Variants in CCDC61 observed in about 807,000 individuals in gnomAD.
CCDC61 encodes centrosomal protein CCDC61.
A neutral mutation model predicts 63.0 loss-of-function variants in CCDC61; 55 were observed. The ratio of observed to expected loss-of-function variants is 0.87; its 90% CI spans 0.70 to 1.09. The LOEUF (loss-of-function observed/expected upper bound fraction) is 1.09, where lower values mean the gene tolerates loss of function less well. CCDC61 is among the 50% of genes least tolerant of loss of function. The pLI, the probability that CCDC61 is intolerant of heterozygous loss-of-function variation, is 0.00. For synonymous variants in CCDC61, 270 were observed against 317.0 expected, an observed-to-expected ratio of 0.85 and a Z score of 1.58; for missense variants, 651 against 731.4, an observed-to-expected ratio of 0.89 and a Z score of 1.27.
At chr19:46,004,069 G>T (rs576768226) in intron 3 of CCDC61, among the ~76,000 whole-genome samples, 55 of 152,006 alleles carry the variant, frequency 3.6e-4, no homozygotes, top group African/African-American at 1.2e-3. Context: ...CTCCTGAGTA[G>T]CTGGGATTAC....
chr19:46,005,000 G>A (rs1968675703), intron 3 of CCDC61, among the ~76,000 whole-genome samples: 1 of 151,542 alleles, frequency 6.6e-6, no homozygotes, highest in East Asian at 1.9e-4. Flanking sequence ...ACCATGCCCA[G>A]CTAATTTTTG....
chr19:46,003,088 GT>G lies in CCDC61; in HGVS notation c.73del (p.Ser25LeufsTer13), dbSNP rs1189822382. 4 of 1,611,614 alleles carry G rather than the reference GT, an allele frequency of 2.5e-6. No individual in the cohort carries two copies. The highest frequency in any genetic ancestry group is 1.3e-5 in the African/African-American group (1 of 74,912). ...TGTGGAGCATGCCGTGCGGGTGATG[GT>G]TTCTGGGCAGGTGCTGGAGCTGGAG... The part of the protein sequence containing the change: ...RGVEHAVRVM[V>X]SGQVLELEVE... On this transcript the variant is annotated frameshift_variant, in exon 2 of 14. Transcript: ENST00000595358. LOFTEE classifies it high-confidence loss of function.
At chr19:46,003,527 GT>G (rs750506821) in intron 3 of CCDC61, 26 bp downstream of exon 3, 2 of 1,433,546 alleles carry the variant, frequency 1.4e-6, no homozygotes, top group Non-Finnish European at 2.0e-6. Context: ...GCGGGTTGGG[GT>G]GGGAGGGGGG....
In CCDC61 at chr19:46,017,282, C is replaced by G; in HGVS notation, c.1346C>G (p.Thr449Arg). 1 of 1,565,896 alleles carries G rather than the reference C, an allele frequency of 6.4e-7. No homozygotes were observed. The highest frequency in any genetic ancestry group is 8.7e-7 in the Non-Finnish European group (1 of 1,154,750). The part of the protein sequence containing the change: ...HRRRGKPPSP[T>R]PWSGSNMKSP... ...CGCCGTGGGAAGCCTCCCAGCCCAA[C>G]GCCCTGGAGTGGGTCCAATATGGTG... The change falls in exon 12 of 14, where the codon ACG (threonine) becomes AGG (arginine). Residue 449 changes from threonine to arginine, a missense_variant. Transcript: ENST00000595358.
chr19:46,009,077 G>C (rs76714665), intron 5 of CCDC61, among the ~76,000 whole-genome samples: 2,892 of 152,262 alleles, frequency 0.019, 95 homozygotes, highest in African/African-American at 0.064. Flanking sequence ...AGTAGGGCAG[G>C]AAAGGGAGCC....
Position 46,016,517 on chromosome 19 carries a change from C to T in CCDC61, c.1091+124C>T. 1 of 1,384,302 alleles carries T rather than the reference C, an allele frequency of 7.2e-7. No homozygotes were observed. The highest frequency in any genetic ancestry group is 1.3e-5 in the South Asian group (1 of 78,030). The allele number at this position is 1,384,302 out of a possible 1,614,324, so 85.8% of individuals were successfully genotyped here. A position where few individuals can be genotyped will look rare whatever the true frequency, so the allele number is the denominator to read the frequency against. On this transcript the variant is annotated intron_variant, in intron 9 of 13. Transcript: ENST00000595358. The surrounding 1 kb of genome is among the most constrained non-coding windows in gnomAD (Gnocchi z 7.2). ...ACCTGCTCGCTTCTCGCCGGATACC[C>T]CGCCTGCTCTCCCTTCCGTCCGTCC...
intron 5 of CCDC61, 95 bp from the exon 6 acceptor site, chr19:46,014,954 C>T: frequency 9.1e-7 from 1 of 1,102,936 alleles, no homozygotes; most frequent in Non-Finnish European, 1.3e-6. Context: ...GTACCCCCTT[C>T]CGGGGAGGTG....
rs1968918901 is a variant in CCDC61 at position 46,015,754 on chromosome 19, TGGGGTGGGTGGTG to T, written c.846-298_846-286del. 1.3e-5 allele frequency among the ~76,000 whole-genome samples: 2 copies of T among 151,750 alleles called. No homozygotes were observed. The highest frequency in any genetic ancestry group is 2.9e-5 in the Non-Finnish European group (2 of 67,896). Reference sequence around the variant, plus strand: ...TCAGGGTGAGGTCCGCTGGCATTTATGGGGTGGGTGGTGGAAAATTGGAAAGAGTTTCCGGGGA... The same window carrying T: ...TCAGGGTGAGGTCCGCTGGCATTTATGAAAATTGGAAAGAGTTTCCGGGGA... On this transcript the variant is annotated intron_variant, in intron 7 of 13. Coordinates refer to ENST00000595358, the MANE Select transcript of CCDC61 (RefSeq NM_001267723.2). This position sits in a 1 kb window ranked among gnomAD's most constrained non-coding sequence, Gnocchi z 5.3.
At chr19:46,000,049 A>G (rs1449667059) in intron 1 of CCDC61, 2 of 984,894 alleles carry the variant, frequency 2.0e-6, no homozygotes, top group African/African-American at 3.5e-5. Context: ...GCAAGGATGG[A>G]GGATGCAGGT....
At chr19:46,003,545 C>A (rs754758913) in intron 3 of CCDC61, 44 bp downstream of exon 3, 1 of 1,324,040 alleles carries the variant, frequency 7.6e-7, no homozygotes, top group South Asian at 1.2e-5. Flanking sequence ...GGGGTTCTGT[C>A]TTCCAGGTTC....
chr19:46,000,330 T>C (rs1324481050), intron 1 of CCDC61, among the ~76,000 whole-genome samples: 1 of 151,868 alleles, frequency 6.6e-6, no homozygotes, highest in Admixed American at 6.6e-5. Context: ...TGAGCAAATA[T>C]GCGGGAAGAA....
chr19:46,016,666 G>A lies in CCDC61; in HGVS notation c.1092-28G>A. ...CTTGCCTGCAGGAGTTGGGCGTACA[G>A]ACCGGCGTCTCCTTTCTTTTTTCCC... is the stretch of plus-strand genomic sequence containing the variant. On this transcript the variant is annotated intron_variant, in intron 9 of 13. Coordinates refer to ENST00000595358, the MANE Select transcript of CCDC61 (RefSeq NM_001267723.2). The surrounding 1 kb of genome is among the most constrained non-coding windows in gnomAD (Gnocchi z 7.2). 3 of 1,610,622 alleles carry A rather than the reference G, an allele frequency of 1.9e-6. No homozygotes were observed. The highest frequency in any genetic ancestry group is 2.5e-6 in the Non-Finnish European group (3 of 1,178,788).
intron 5 of CCDC61, among the ~76,000 whole-genome samples, chr19:46,010,754 C>T (rs945220080): frequency 1.3e-5 from 2 of 152,224 alleles, no homozygotes; most frequent in Non-Finnish European, 1.5e-5. Context: ...CAGTTACCCA[C>T]GTTTGCCCAT....
At chr19:46,012,189 T>C (rs1345637226) in intron 5 of CCDC61, among the ~76,000 whole-genome samples, 1 of 152,230 alleles carries the variant, frequency 6.6e-6, no homozygotes, top group East Asian at 1.9e-4. Context: ...CACTTACACC[T>C]GAATCTCTGG....
Position 46,016,243 on chromosome 19 carries a change from G to T in CCDC61, c.1015+20G>T, listed in dbSNP as rs769329471. On this transcript the variant is annotated intron_variant, in intron 8 of 13. Coordinates refer to ENST00000595358, the MANE Select transcript of CCDC61 (RefSeq NM_001267723.2). The surrounding 1 kb of genome is among the most constrained non-coding windows in gnomAD (Gnocchi z 7.2). ...CCACAGGTCTGTGCCCCTGCCCTGC[G>T]GTAGGGAGGGGACGCACTGGCGCTG... 1 of 1,586,002 alleles carries T rather than the reference G, an allele frequency of 6.3e-7. No homozygotes were observed. The highest frequency in any genetic ancestry group is 8.6e-7 in the Non-Finnish European group (1 of 1,166,770).
At chr19:45,995,525 C>A (rs202178596) in intron 1 of CCDC61, 21 bp downstream of exon 1, 4 of 509,266 alleles carry the variant, frequency 7.9e-6, no homozygotes, top group African/African-American at 7.8e-5. Context: ...GCGGGAGTGG[C>A]GGTTGCGCGG....
chr19:45,995,946 G>C (rs1398786596), intron 1 of CCDC61, among the ~76,000 whole-genome samples: 2 of 152,176 alleles, frequency 1.3e-5, no homozygotes, highest in East Asian at 3.8e-4. Flanking sequence ...ACTTTAAAGA[G>C]ATGTGAAGCC....
chr19:45,999,360 G>A (rs1179120999), intron 1 of CCDC61, among the ~76,000 whole-genome samples: 1 of 152,042 alleles, frequency 6.6e-6, no homozygotes, highest in Non-Finnish European at 1.5e-5. Flanking sequence ...TCACCCACGT[G>A]GTGGGGAGGT....
chr19:46,006,566 A>G lies in CCDC61; in HGVS notation c.239A>G (p.Glu80Gly). 6.3e-7 allele frequency: 1 copy of G among 1,575,086 alleles called. No individual in the cohort carries two copies. Among genetic ancestry groups the G allele is most frequent in the East Asian group, 2.3e-5 (1 of 43,780 alleles). The change falls in exon 4 of 14, where the codon GAG becomes GGG. Residue 80 changes from glutamate to glycine, a missense_variant. Transcript: ENST00000595358. ...CCTCTCCTCTCCTGACAGAGTAGTG[A>G]GTCAGTCACCCTGGACCTGCTGACC... ...MLESALTQSS[E>G]SVTLDLLTYT...
Sources: gnomAD v4.1 joint callset for allele counts (sites outside exome capture counted in the v4.1 genomes callset) on GRCh38, gnomAD v4.1.1 for gene constraint, Gnocchi (gnomAD v3.1) non-coding constraint, MANE v1.5 for transcripts, NCBI Gene and HGNC (gene_info 2026-07-23, HGNC 2026-07-21) for gene names.